The following MKLN1 variants were observed in gnomAD, a reference collection of about 807,000 sequenced individuals.
The protein encoded by MKLN1 is muskelin.
Under a neutral mutation model 99.0 loss-of-function variants are expected in MKLN1, and 18 were observed. That is an observed-to-expected ratio of 0.18 (90% confidence interval 0.13 to 0.27). MKLN1 has a LOEUF of 0.27. Ranked by LOEUF, MKLN1 falls within the 10% of genes least tolerant of loss-of-function variation. The pLI is 1.00. For missense variants in MKLN1, 621 were observed against 875.9 expected, an observed-to-expected ratio of 0.71 and a Z score of 3.67; for synonymous variants, 288 against 293.2, an observed-to-expected ratio of 0.98 and a Z score of 0.18.
chr7:131,411,456 A>G, intron 7 of MKLN1, 73 bp downstream of exon 7: 1 of 969,516 alleles, frequency 1.0e-6, no homozygotes, highest in Non-Finnish European at 1.7e-6. Context: ...AGGTAGTTCA[A>G]GTATCATAGT....
upstream of MKLN1, among the ~76,000 whole-genome samples, chr7:131,325,945 AG>A (rs1419810732): frequency 6.6e-6 from 1 of 151,766 alleles, no homozygotes; most frequent in Admixed American, 6.6e-5. Flanking sequence ...AAATCAAGGC[AG>A]GTTATGAAGG....
chr7:131,223,822 A>G (rs1797096333), intron 3 of MKLN1, among the ~76,000 whole-genome samples: 1 of 152,008 alleles, frequency 6.6e-6, no homozygotes, highest in Non-Finnish European at 1.5e-5. Flanking sequence ...GCTGGAGTAC[A>G]GTGGTGCGAT....
intron 1 of MKLN1, among the ~76,000 whole-genome samples, chr7:131,366,178 T>G (rs1800175370): frequency 6.6e-6 from 1 of 152,222 alleles, no homozygotes. Flanking sequence ...TAATGGATTA[T>G]CTAACCAATT....
rs1795881950 is a variant in MKLN1, at chr7:131,442,841, A to T, written c.1174-640A>T. ...TTATAATCTTGAGTTGAAAGAATGG[A>T]AGAATAAAGCTTGACTTTTAAACAT... is the stretch of plus-strand genomic sequence containing the variant. On this transcript the variant is annotated intron_variant, in intron 10 of 17. Coordinates refer to ENST00000352689, the MANE Select transcript of MKLN1 (RefSeq NM_013255.5). Among the ~76,000 whole-genome samples, 3 of 152,228 alleles carry T rather than the reference A, an allele frequency of 2.0e-5. No homozygotes were observed. The South Asian group carries it at 6.2e-4, about 31-fold the overall frequency.
chr7:131,213,230 T>G (rs1163626950), intron 3 of MKLN1, among the ~76,000 whole-genome samples: 1 of 152,234 alleles, frequency 6.6e-6, no homozygotes, highest in Non-Finnish European at 1.5e-5. Context: ...TATAATATTC[T>G]GCCGTGTATT....
intron 2 of MKLN1, among the ~76,000 whole-genome samples, chr7:131,195,183 G>C (rs1156446174): frequency 6.6e-6 from 1 of 152,130 alleles, no homozygotes; most frequent in Non-Finnish European, 1.5e-5. Context: ...GGTCTCAGGG[G>C]AAGAGGAGAC....
chr7:131,474,074 C>T (rs1042140016), intron 16 of MKLN1, among the ~76,000 whole-genome samples: 2 of 152,008 alleles, frequency 1.3e-5, no homozygotes, highest in African/African-American at 4.8e-5. Flanking sequence ...CTCTTGAACC[C>T]GGGAGGTGGA....
intron 3 of MKLN1, among the ~76,000 whole-genome samples, chr7:131,236,699 G>A (rs1425037536): frequency 1.3e-5 from 2 of 152,160 alleles, no homozygotes; most frequent in Admixed American, 6.5e-5. Context: ...GGAGAGGGCC[G>A]GGTGTGATGG....
intron 3 of MKLN1, among the ~76,000 whole-genome samples, chr7:131,248,838 C>T (rs936747194): frequency 3.3e-5 from 5 of 152,206 alleles, no homozygotes; most frequent in African/African-American, 1.2e-4. Flanking sequence ...GCTGAGAGGT[C>T]TCTCTTGTCC....
chr7:131,154,631 T>G (rs138602254), intron 2 of MKLN1, among the ~76,000 whole-genome samples: 108 of 152,328 alleles, frequency 7.1e-4, no homozygotes, highest in African/African-American at 2.4e-3. Flanking sequence ...TCTTGTTATC[T>G]ATATTATGAT....
chr7:131,297,327 C>T (rs552250119), intron 3 of MKLN1, among the ~76,000 whole-genome samples: 2 of 152,214 alleles, frequency 1.3e-5, no homozygotes, highest in African/African-American at 4.8e-5. Flanking sequence ...CGCCACTGCA[C>T]TCCAGTCTGG....
In MKLN1 at chr7:131,239,681, C is replaced by T. The variant is rs1016298267; in HGVS notation, c.-179+36707C>T. On this transcript the variant is annotated intron_variant, in intron 3 of 7. Transcript: ENST00000416992. ...TTGTTTGATACCAGAGTCATCCCATCCCATGTTTACATTAAATGTCTTCCT... is the reference window on the plus strand; with the variant it reads ...TTGTTTGATACCAGAGTCATCCCATTCCATGTTTACATTAAATGTCTTCCT... 2.9e-4 allele frequency among the ~76,000 whole-genome samples: 44 copies of T among 152,244 alleles called. 1 individual carries two copies. The highest frequency in any genetic ancestry group is 1.9e-4 in the East Asian group (1 of 5,180).
intron 3 of MKLN1, among the ~76,000 whole-genome samples, chr7:131,271,905 G>T: frequency 9.6e-6 from 1 of 104,436 alleles, no homozygotes; most frequent in South Asian, 2.8e-4. Context: ...GCGAAACTCT[G>T]TCTCAAAAAA....
chr7:131,380,289 G>A (rs1793804830), intron 2 of MKLN1, among the ~76,000 whole-genome samples: 1 of 152,096 alleles, frequency 6.6e-6, no homozygotes, highest in Non-Finnish European at 1.5e-5. Context: ...CATATTTGGT[G>A]TCTATCAAAA....
At chr7:131,196,521 ACATT>A (rs1199039228) in intron 2 of MKLN1, among the ~76,000 whole-genome samples, 1 of 68,096 alleles carries the variant, frequency 1.5e-5, no homozygotes, top group Non-Finnish European at 2.9e-5. Context: ...AATACTCGAC[ACATT>A]CATTTTTTTT....
At chr7:131,114,332 G>A (rs1241230860) in intron 1 of MKLN1, among the ~76,000 whole-genome samples, 2 of 152,112 alleles carry the variant, frequency 1.3e-5, no homozygotes, top group African/African-American at 4.8e-5. Flanking sequence ...GAGTTGAAGT[G>A]TCCATAGAAT....
chr7:131,392,288 C>T (rs995520634), intron 4 of MKLN1, among the ~76,000 whole-genome samples: 4 of 152,032 alleles, frequency 2.6e-5, no homozygotes, highest in Non-Finnish European at 5.9e-5. Context: ...TCAGCTGCAG[C>T]CTGGATGATT....
At chr7:131,152,856 T>A (rs2116290064) in intron 2 of MKLN1, among the ~76,000 whole-genome samples, 1 of 152,166 alleles carries the variant, frequency 6.6e-6, no homozygotes, top group East Asian at 1.9e-4. Flanking sequence ...CTCTTTTAAT[T>A]TAAATCCCTT....
At chr7:131,323,185 G>A (rs1481670336), upstream of MKLN1, among the ~76,000 whole-genome samples, 1 of 152,074 alleles carries the variant, frequency 6.6e-6, no homozygotes, top group Non-Finnish European at 1.5e-5. Flanking sequence ...CTGAGAGAAG[G>A]AAATGTGTAC....
Sources: gnomAD v4.1 joint callset for allele counts (sites outside exome capture counted in the v4.1 genomes callset) on GRCh38, gnomAD v4.1.1 for gene constraint, MANE v1.5 for transcripts, NCBI Gene and HGNC (gene_info 2026-07-23, HGNC 2026-07-21) for gene names.